Variants in KHDRBS3 observed in about 807,000 individuals in gnomAD.
The protein encoded by KHDRBS3 is KH RNA binding domain containing, signal transduction associated 3.
Under a neutral mutation model 45.6 loss-of-function variants are expected in KHDRBS3, and 23 were observed. The ratio of observed to expected loss-of-function variants is 0.50; its 90% CI spans 0.36 to 0.72. The LOEUF (loss-of-function observed/expected upper bound fraction) is 0.72. Among genes scored for constraint, KHDRBS3 ranks in the 30% least tolerant of loss-of-function variants. KHDRBS3 has a pLI of 0.00. For missense variants in KHDRBS3, 352 were observed against 424.8 expected (o/e 0.83, Z 1.51); for synonymous variants, 162 against 156.5 (o/e 1.04, Z -0.26).
rs1563829593 is a variant in KHDRBS3, at chr8:135,645,045, T to C, written c.891-14T>C. 4 of 1,612,236 alleles carry C rather than the reference T, an allele frequency of 2.5e-6. No homozygotes were observed. Among genetic ancestry groups the C allele is most frequent in the Admixed American group, 1.7e-5 (1 of 59,998 alleles). On this transcript the variant is annotated splice_polypyrimidine_tract_variant and intron_variant, in intron 7 of 8. Coordinates refer to ENST00000355849, the MANE Select transcript of KHDRBS3 (RefSeq NM_006558.3). ...AGATGATTTTGTCCTTTGTTTTGTT[T>C]TGATCACTTGCAGTGGTGCTGATTA...
intron 2 of KHDRBS3, among the ~76,000 whole-genome samples, chr8:135,521,576 A>G (rs1019183562): frequency 1.3e-5 from 2 of 152,220 alleles, no homozygotes; most frequent in Admixed American, 1.3e-4. Flanking sequence ...GAGTCAAACT[A>G]GCAGTGTGAC....
chr8:135,629,753 C>T (rs759233593), intron 7 of KHDRBS3, among the ~76,000 whole-genome samples: 15 of 152,142 alleles, frequency 9.9e-5, no homozygotes, highest in Admixed American at 3.3e-4. Context: ...AGTTATTGAT[C>T]GGGACATCTA....
At position 135,495,343 on chromosome 8, in the gene KHDRBS3, A is replaced by G. The variant is rs1823384058; in HGVS notation, c.89-25894A>G. 2.0e-5 allele frequency among the ~76,000 whole-genome samples: 3 copies of G among 152,132 alleles called. No individual in the cohort carries two copies. The South Asian group carries it at 6.2e-4, about 32-fold the overall frequency. ...GTCAATTATCCAACTTTTTGTCATT[A>G]TTATGGGGCAAGCTATGTTCTCTTG... On this transcript the variant is annotated intron_variant, in intron 1 of 8. Coordinates refer to ENST00000355849, the MANE Select transcript of KHDRBS3 (RefSeq NM_006558.3).
chr8:135,538,846 A>G (rs1825906729), intron 2 of KHDRBS3: 1 of 152,172 alleles, frequency 6.6e-6, no homozygotes, highest in African/African-American at 2.4e-5. Flanking sequence ...CAAAATACAT[A>G]CTCAGTCCAT....
At chr8:135,622,887 C>A (rs1337170243) in intron 7 of KHDRBS3, among the ~76,000 whole-genome samples, 1 of 152,176 alleles carries the variant, frequency 6.6e-6, no homozygotes, top group Non-Finnish European at 1.5e-5. Context: ...TTGGTCTTTC[C>A]TCAAAGTTGT....
Position 135,571,529 on chromosome 8 carries a change from A to G in KHDRBS3, c.612-10349A>G, listed in dbSNP as rs567763968. Among the ~76,000 whole-genome samples, 166 of 152,298 alleles carry G rather than the reference A, an allele frequency of 1.1e-3. 1 individual carries two copies. Among genetic ancestry groups the G allele is most frequent in the African/African-American group, 3.9e-3 (163 of 41,580 alleles). On this transcript the variant is annotated intron_variant, in intron 5 of 8. Coordinates refer to ENST00000355849, the MANE Select transcript of KHDRBS3 (RefSeq NM_006558.3). ...AGGGGAAAATCAGAGACAAACAACT[A>G]TTACAGAGTGGTTATAAATAAAGGA... is the stretch of plus-strand genomic sequence containing the variant.
chr8:135,634,805 C>T (rs573142241), intron 7 of KHDRBS3, among the ~76,000 whole-genome samples: 1 of 152,300 alleles, frequency 6.6e-6, no homozygotes, highest in East Asian at 1.9e-4. Context: ...CTCTGGCTAA[C>T]TAGTTAGTGA....
intron 7 of KHDRBS3, among the ~76,000 whole-genome samples, chr8:135,608,994 T>A (rs1477888975): frequency 6.6e-6 from 1 of 152,214 alleles, no homozygotes; most frequent in Non-Finnish European, 1.5e-5. Context: ...AAGTTGCTCT[T>A]GGGTGAGTCA....
chr8:135,609,259 A>G (rs1829609806), intron 7 of KHDRBS3, among the ~76,000 whole-genome samples: 1 of 149,680 alleles, frequency 6.7e-6, no homozygotes, highest in Non-Finnish European at 1.5e-5. Context: ...ATTTCTTCAT[A>G]TCCTTATTCT....
chr8:135,557,667 C>T, intron 5 of KHDRBS3, 80 bp downstream of exon 5: 1 of 1,041,600 alleles, frequency 9.6e-7, no homozygotes, highest in Middle Eastern at 2.1e-4. Flanking sequence ...AAAACCAGTT[C>T]TATCTGAACA....
intron 7 of KHDRBS3, chr8:135,625,780 C>G (rs1340501079): frequency 1.3e-6 from 1 of 767,262 alleles, no homozygotes; most frequent in African/African-American, 1.7e-5. Context: ...CACCCGTGTT[C>G]TAGCTTAGCT....
intron 1 of KHDRBS3, among the ~76,000 whole-genome samples, chr8:135,472,328 A>C (rs1822058197): frequency 6.6e-6 from 1 of 152,032 alleles, no homozygotes; most frequent in Admixed American, 6.5e-5. Context: ...CACTTTGTAA[A>C]ATAGGCACGA....
In KHDRBS3 at chr8:135,589,804, A is replaced by G. The variant is rs1347107756; in HGVS notation, c.807+7731A>G. Among the ~76,000 whole-genome samples the G allele has an allele frequency of 2.6e-5, 4 of 152,204 alleles. No homozygotes were observed. The East Asian group carries it at 7.7e-4, about 29-fold the overall frequency. On this transcript the variant is annotated intron_variant, in intron 6 of 8. Transcript: ENST00000355849. ...GAGATACTAAGTAAATATGCGGAGG[A>G]TGGACAACATGACCTTTGTCAACGC...
At chr8:135,535,583 T>C (rs370844084) in intron 2 of KHDRBS3, among the ~76,000 whole-genome samples, 24 of 152,018 alleles carry the variant, frequency 1.6e-4, no homozygotes, top group South Asian at 6.2e-4. Context: ...TATTTATATG[T>C]GTGTTGGGTC....
chr8:135,501,701 G>A (rs1299728315), intron 1 of KHDRBS3, among the ~76,000 whole-genome samples: 1 of 152,056 alleles, frequency 6.6e-6, no homozygotes, highest in Non-Finnish European at 1.5e-5. Context: ...AAGTTTGAGT[G>A]TAGGGATTTT....
intron 4 of KHDRBS3, among the ~76,000 whole-genome samples, chr8:135,653,439 A>G (rs1157155824): frequency 6.6e-6 from 1 of 152,194 alleles, no homozygotes; most frequent in Non-Finnish European, 1.5e-5. Flanking sequence ...TTTGACTTAG[A>G]ACATTTCCCC....
chr8:135,638,473 C>T (rs1205674048), intron 7 of KHDRBS3, among the ~76,000 whole-genome samples: 1 of 152,196 alleles, frequency 6.6e-6, no homozygotes, highest in Non-Finnish European at 1.5e-5. Flanking sequence ...AAAACTAACA[C>T]ATATCTAAAA....
chr8:135,507,017 G>A (rs1231896659), intron 1 of KHDRBS3, among the ~76,000 whole-genome samples: 1 of 152,018 alleles, frequency 6.6e-6, no homozygotes, highest in East Asian at 1.9e-4. Flanking sequence ...GAGCCTTTTA[G>A]ACATCTTTTT....
chr8:135,595,581 A>G (rs1828937643), intron 6 of KHDRBS3, among the ~76,000 whole-genome samples: 1 of 152,210 alleles, frequency 6.6e-6, no homozygotes, highest in South Asian at 2.1e-4. Flanking sequence ...TAAAACTCTG[A>G]TAGCTTGTTC....
Sources: allele counts gnomAD v4.1 joint callset (sites outside exome capture counted in the v4.1 genomes callset), GRCh38; gene constraint gnomAD v4.1.1; transcripts MANE v1.5; gene names NCBI Gene and HGNC (gene_info 2026-07-23, HGNC 2026-07-21).